The following SDK1 variants were observed in gnomAD, a reference collection of about 807,000 sequenced individuals.
SDK1 encodes the protein protein sidekick-1.
Under a neutral mutation model 245.5 loss-of-function variants are expected in SDK1, and 157 were observed. That is an observed-to-expected ratio of 0.64 (90% CI 0.56 to 0.73). The LOEUF (loss-of-function observed/expected upper bound fraction) is 0.73. SDK1 is among the 30% of genes least tolerant of loss of function. The pLI, the probability that SDK1 is intolerant of heterozygous loss-of-function variation, is 0.00. For synonymous variants in SDK1, 1,647 were observed against 1,278.5 expected (o/e 1.29, Z -6.15); for missense variants, 3,583 against 3,002.3 (o/e 1.19, Z -4.52).
intron 5 of SDK1, among the ~76,000 whole-genome samples, chr7:3,900,354 A>G (rs959382084): frequency 2.6e-5 from 4 of 152,194 alleles, no homozygotes; most frequent in Non-Finnish European, 4.4e-5. Context: ...TTTCTCTTGC[A>G]TCGTTCATGT....
At chr7:3,332,974 G>T (rs373994695) in intron 1 of SDK1, among the ~76,000 whole-genome samples, 3 of 152,310 alleles carry the variant, frequency 2.0e-5, no homozygotes, top group African/African-American at 4.8e-5. Context: ...GAGCCTCTTT[G>T]TCCAGAAAAG....
intron 4 of SDK1, among the ~76,000 whole-genome samples, chr7:3,652,197 G>A (rs142555360): frequency 6.6e-4 from 101 of 152,330 alleles, no homozygotes; most frequent in African/African-American, 2.0e-3. Flanking sequence ...GAGAAACCGC[G>A]CGTGTCTCTG....
At chr7:3,391,583 C>G (rs1781754035) in intron 1 of SDK1, among the ~76,000 whole-genome samples, 1 of 151,150 alleles carries the variant, frequency 6.6e-6, no homozygotes, top group Non-Finnish European at 1.5e-5. Context: ...TGTACAGTGG[C>G]ACTGGCTTTC....
At chr7:3,610,058 A>G (rs1053331342) in intron 1 of SDK1, among the ~76,000 whole-genome samples, 2 of 152,170 alleles carry the variant, frequency 1.3e-5, no homozygotes, top group Non-Finnish European at 1.5e-5. Flanking sequence ...CAAATCACAT[A>G]TTATTACTTC....
intron 1 of SDK1, among the ~76,000 whole-genome samples, chr7:3,595,717 T>C (rs191362688): frequency 2.7e-3 from 414 of 151,408 alleles, no homozygotes; most frequent in Non-Finnish European, 5.2e-3. Flanking sequence ...AGTTAGACTT[T>C]GAACGAGTCT....
chr7:4,215,422 A>G (rs1784741931), intron 38 of SDK1, among the ~76,000 whole-genome samples: 1 of 152,230 alleles, frequency 6.6e-6, no homozygotes, highest in South Asian at 2.1e-4. Flanking sequence ...TCATGAGGCA[A>G]GCAGCTTCAA....
At chr7:3,805,259 G>T (rs1238570187) in intron 4 of SDK1, among the ~76,000 whole-genome samples, 1 of 152,218 alleles carries the variant, frequency 6.6e-6, no homozygotes, top group Non-Finnish European at 1.5e-5. Flanking sequence ...TTACTTCAGT[G>T]AGTGTTGTTG....
rs141166585 is a variant in SDK1 at position 3,563,512 on chromosome 7, A to G, written c.299-55568A>G. ...TTGATAAAGGGAATATGACAAGAAG[A>G]TGTAACCATAAAAAATGGTAATCTG... On this transcript the variant is annotated intron_variant, in intron 1 of 44. Transcript: ENST00000404826. Among the ~76,000 whole-genome samples, 1,152 of 152,304 alleles carry G rather than the reference A, an allele frequency of 7.6e-3. 10 individuals are homozygous for G. Among genetic ancestry groups the G allele is most frequent in the African/African-American group, 0.019 (781 of 41,566 alleles).
chr7:3,798,719 T>C (rs528185259), intron 4 of SDK1, among the ~76,000 whole-genome samples: 7 of 152,326 alleles, frequency 4.6e-5, no homozygotes, highest in Middle Eastern at 3.4e-3. Flanking sequence ...CATTCTGTTC[T>C]TAGAAGCAAG....
chr7:4,151,874 G>A (rs1262593304), intron 30 of SDK1, among the ~76,000 whole-genome samples: 1 of 152,204 alleles, frequency 6.6e-6, no homozygotes, highest in Non-Finnish European at 1.5e-5. Context: ...GGTTTTTGTA[G>A]TTGTCACATT....
At chr7:4,068,299 C>T (rs541416367) in intron 20 of SDK1, among the ~76,000 whole-genome samples, 2 of 152,262 alleles carry the variant, frequency 1.3e-5, no homozygotes, top group East Asian at 3.9e-4. Context: ...AGGTCAATAT[C>T]GATATTATGA....
chr7:3,647,713 C>T (rs187475744), intron 4 of SDK1, among the ~76,000 whole-genome samples: 1 of 152,178 alleles, frequency 6.6e-6, no homozygotes, highest in Non-Finnish European at 1.5e-5. Context: ...TACAGACCAC[C>T]GTGCCCGGCC....
intron 4 of SDK1, among the ~76,000 whole-genome samples, chr7:3,743,824 C>T (rs562683871): frequency 1.3e-4 from 20 of 152,128 alleles, no homozygotes; most frequent in Middle Eastern, 3.4e-3. Context: ...TATGAAAGGG[C>T]GATGCCTGGA....
rs148017123 is a variant in SDK1, at chr7:3,759,090, G to A, written c.714-62360G>A. On this transcript the variant is annotated intron_variant, in intron 4 of 44. Coordinates refer to ENST00000404826, the MANE Select transcript of SDK1 (RefSeq NM_152744.4). ...GTAAACTACCCTTAGGATTGCTGAC[G>A]TGTATCCTGCGAGAAACAAATTTAC... Among the ~76,000 whole-genome samples, 30 of 152,214 alleles carry A rather than the reference G, an allele frequency of 2.0e-4. 1 individual carries two copies. The East Asian group carries it at 5.4e-3, about 27-fold the overall frequency.
intron 5 of SDK1, among the ~76,000 whole-genome samples, chr7:3,924,739 C>T (rs192666075): frequency 1.7e-3 from 265 of 152,302 alleles, no homozygotes; most frequent in Admixed American, 4.1e-3. Context: ...TACCAAGTGG[C>T]ATGAAAGATA....
At chr7:3,853,218 A>C (rs1387899354) in intron 5 of SDK1, among the ~76,000 whole-genome samples, 1 of 152,150 alleles carries the variant, frequency 6.6e-6, no homozygotes, top group Admixed American at 6.5e-5. Flanking sequence ...TTCCATTGCA[A>C]AGATGGAAAG....
chr7:4,147,478 G>C (rs1780056390), intron 29 of SDK1, among the ~76,000 whole-genome samples: 1 of 152,046 alleles, frequency 6.6e-6, no homozygotes, highest in Non-Finnish European at 1.5e-5. Context: ...ACGTTGCCCA[G>C]GCTGGTCTCC....
rs150360892 is a variant in SDK1 at position 4,255,852 on chromosome 7, C to T, written c.6382-9272C>T. 3.0e-3 allele frequency among the ~76,000 whole-genome samples: 460 copies of T among 151,848 alleles called. 4 individuals are homozygous for T. The highest frequency in any genetic ancestry group is 0.011 in the African/African-American group (439 of 41,358). ...TCTCACTATCGAGTGAGATTTAGCG[C>T]AGATCTTGTATCAATCTATCTTTCT... is the stretch of plus-strand genomic sequence containing the variant. On this transcript the variant is annotated intron_variant, in intron 44 of 44. Coordinates refer to ENST00000404826, the MANE Select transcript of SDK1 (RefSeq NM_152744.4).
chr7:3,369,798 T>C (rs1348572599), intron 1 of SDK1, among the ~76,000 whole-genome samples: 1 of 152,154 alleles, frequency 6.6e-6, no homozygotes, highest in East Asian at 1.9e-4. Flanking sequence ...ACCCATGAAA[T>C]GTGTGGTAGA....
Sources: gnomAD v4.1 joint callset for allele counts (sites outside exome capture counted in the v4.1 genomes callset) on GRCh38, gnomAD v4.1.1 for gene constraint, MANE v1.5 for transcripts, NCBI Gene and HGNC (gene_info 2026-07-23, HGNC 2026-07-21) for gene names.